The following TRIM2 variants were observed in gnomAD, a reference collection of about 807,000 sequenced individuals.
The protein encoded by TRIM2 is tripartite motif-containing protein 2.
TRIM2 carries 20 observed loss-of-function variants against 75.2 expected under a neutral mutation model. That is an observed-to-expected ratio of 0.27 (90% CI 0.19 to 0.39). The LOEUF (loss-of-function observed/expected upper bound fraction) is 0.39, where lower values mean the gene tolerates loss of function less well. Among genes scored for constraint, TRIM2 ranks in the 10% least tolerant of loss-of-function variants. The probability of loss-of-function intolerance (pLI) is 1.00; values close to 1 mark genes in which losing one functional copy is unlikely to be tolerated. For missense variants in TRIM2, 660 were observed against 990.8 expected, an observed-to-expected ratio of 0.67 and a Z score of 4.48; for synonymous variants, 373 against 388.3, an observed-to-expected ratio of 0.96 and a Z score of 0.46.
At chr4:153,209,116 C>G (rs1055020751) in intron 1 of TRIM2, among the ~76,000 whole-genome samples, 12 of 152,352 alleles carry the variant, frequency 7.9e-5, no homozygotes, top group Admixed American at 2.0e-4. Context: ...AAATGGTGGA[C>G]AGGCCCCTGA....
intron 1 of TRIM2, among the ~76,000 whole-genome samples, chr4:153,229,202 C>T (rs756304909): frequency 7.9e-5 from 12 of 152,162 alleles, no homozygotes; most frequent in Non-Finnish European, 1.5e-4. Context: ...AAGCATTTTT[C>T]TTGTAGTCCA....
At chr4:153,306,245 T>G (rs1321148184) in intron 6 of TRIM2, among the ~76,000 whole-genome samples, 2 of 152,110 alleles carry the variant, frequency 1.3e-5, no homozygotes, top group Admixed American at 1.3e-4. Context: ...ATCTGTAAAA[T>G]GGGAATGATA....
In TRIM2 at chr4:153,237,636, C is replaced by T. The variant is rs530047706; in HGVS notation, c.31-32699C>T. Among the ~76,000 whole-genome samples the T allele has an allele frequency of 1.7e-4, 26 of 151,912 alleles. 1 individual carries two copies. In the East Asian group the frequency reaches 1.7e-3, roughly 10 times the overall value. ...CGGAAGTTGCAGTGAGCTGAGATTG[C>T]GCCATTGCATTTCAGCCCAGGCGAC... On this transcript the variant is annotated intron_variant, in intron 1 of 11. Transcript: ENST00000338700.
chr4:153,166,652 G>A (rs4696432), intron 1 of TRIM2, among the ~76,000 whole-genome samples: 46,581 of 151,696 alleles, frequency 0.31, 7,467 homozygotes, highest in South Asian at 0.43. Context: ...GGGCTCATGT[G>A]ATCCTCCTGC....
At chr4:153,316,133 T>G in intron 8 of TRIM2, 134 bp downstream of exon 8, 1 of 838,682 alleles carries the variant, frequency 1.2e-6, no homozygotes, top group Non-Finnish European at 1.8e-6. Flanking sequence ...ATCTGACATC[T>G]AAGTTTGTGA....
At chr4:153,196,596 A>G (rs1733805106) in intron 1 of TRIM2, among the ~76,000 whole-genome samples, 1 of 152,222 alleles carries the variant, frequency 6.6e-6, no homozygotes, top group Non-Finnish European at 1.5e-5. Flanking sequence ...TGCTGTATTC[A>G]TGTCATTACC....
chr4:153,197,498 C>T (rs191527605), intron 1 of TRIM2, among the ~76,000 whole-genome samples: 5 of 152,264 alleles, frequency 3.3e-5, no homozygotes, highest in African/African-American at 1.2e-4. Flanking sequence ...GAAATCCCAG[C>T]CCCCAAGGTG....
At chr4:153,307,746 C>T (rs1315318836) in intron 6 of TRIM2, 6 of 649,664 alleles carry the variant, frequency 9.2e-6, no homozygotes, top group African/African-American at 8.9e-5. Context: ...TCTGGACGCT[C>T]GTGCTGTGTC....
chr4:153,152,804 G>A (rs948422193), upstream of TRIM2, among the ~76,000 whole-genome samples: 1 of 152,180 alleles, frequency 6.6e-6, no homozygotes, highest in Non-Finnish European at 1.5e-5. Flanking sequence ...TGAAATGCAT[G>A]TTAGGTTAAC....
intron 8 of TRIM2, among the ~76,000 whole-genome samples, chr4:153,318,133 T>A (rs1405292209): frequency 6.6e-6 from 1 of 152,228 alleles, no homozygotes; most frequent in Non-Finnish European, 1.5e-5. Context: ...CATGTCCTCA[T>A]GCAGGCACCT....
Position 153,336,579 on chromosome 4 carries a change from T to G in TRIM2, c.*1613T>G. On this transcript the variant is annotated 3_prime_UTR_variant, in exon 12 of 12. Transcript: ENST00000338700. The stretch of plus-strand genomic sequence containing the variant: ...AAATAGGATGTCATGTTTGACATTT[T>G]TGATAGTGACTTTGGGGTCTTCTTC... The G allele has an allele frequency of 3.0e-6, 3 of 985,884 alleles. No homozygotes were observed. The South Asian group carries it at 1.4e-4, about 46-fold the overall frequency. The allele number at this position is 985,884 out of a possible 1,614,324, so 61.1% of individuals were successfully genotyped here.
intron 1 of TRIM2, among the ~76,000 whole-genome samples, chr4:153,213,594 T>G (rs973723646): frequency 1.3e-5 from 2 of 152,076 alleles, no homozygotes; most frequent in Non-Finnish European, 2.9e-5. Flanking sequence ...GTGGCACGAT[T>G]TTGGCTCACT....
At chr4:153,266,779 C>T (rs991726125) in intron 1 of TRIM2, 3 of 151,772 alleles carry the variant, frequency 2.0e-5, no homozygotes, top group African/African-American at 7.3e-5. Context: ...GAGATGACAC[C>T]CAGCCTGTTT....
intron 1 of TRIM2, among the ~76,000 whole-genome samples, chr4:153,247,790 A>T (rs778033822): frequency 4.6e-5 from 7 of 151,992 alleles, no homozygotes; most frequent in African/African-American, 9.7e-5. Flanking sequence ...AAGGTGATGA[A>T]GTGTAGTGTT....
chr4:153,332,842 G>A (rs901489327), intron 11 of TRIM2, among the ~76,000 whole-genome samples: 4 of 152,150 alleles, frequency 2.6e-5, no homozygotes, highest in South Asian at 2.1e-4. Context: ...AGCATGTAGA[G>A]AAACCAGATC....
At chr4:153,191,738 G>A (rs777236782) in intron 1 of TRIM2, among the ~76,000 whole-genome samples, 20 of 152,162 alleles carry the variant, frequency 1.3e-4, no homozygotes, top group Non-Finnish European at 2.2e-4. Flanking sequence ...AAGGATTTTT[G>A]TTTTCATAAG....
intron 2 of TRIM2, among the ~76,000 whole-genome samples, chr4:153,272,442 C>T (rs1756942103): frequency 6.6e-6 from 1 of 151,928 alleles, no homozygotes; most frequent in South Asian, 2.1e-4. Flanking sequence ...GCCACTGCGC[C>T]TGGCCAGATT....
rs1748538881 is a variant in TRIM2 at position 153,244,465 on chromosome 4, TGCCCGAGCTGATCTTGA to T, written c.31-25869_31-25853del. 2.1e-5 allele frequency among the ~76,000 whole-genome samples: 3 copies of T among 145,836 alleles called. No individual in the cohort carries two copies. In the South Asian group the frequency reaches 6.9e-4, roughly 34 times the overall value. On this transcript the variant is annotated intron_variant, in intron 1 of 11. Transcript: ENST00000338700. Reference sequence around the variant, plus strand: ...AATTAGAGAGGAGGCCTCACTATGTTGCCCGAGCTGATCTTGAACTCCTGGGCTCAAGCAATCCTCCT... The same window carrying T: ...AATTAGAGAGGAGGCCTCACTATGTTACTCCTGGGCTCAAGCAATCCTCCT...
At chr4:153,261,028 T>C (rs1753430896) in intron 1 of TRIM2, among the ~76,000 whole-genome samples, 1 of 152,216 alleles carries the variant, frequency 6.6e-6, no homozygotes, top group African/African-American at 2.4e-5. Context: ...CTGTGATTTA[T>C]AGATAATCCA....
Sources: gnomAD v4.1 joint callset for allele counts (sites outside exome capture counted in the v4.1 genomes callset) on GRCh38, gnomAD v4.1.1 for gene constraint, MANE v1.5 for transcripts, NCBI Gene and HGNC (gene_info 2026-07-23, HGNC 2026-07-21) for gene names.